SPATA2L: variants seen among roughly 807,000 people sequenced by gnomAD.
SPATA2L encodes spermatogenesis-associated protein 2-like protein.
A neutral mutation model predicts 8.7 loss-of-function variants in SPATA2L; 5 were observed. The observed-to-expected ratio is 0.57, with a 90% confidence interval of 0.30 to 1.21. The LOEUF is 1.21. Among genes scored for constraint, SPATA2L ranks in the 50% most tolerant of loss-of-function variants. SPATA2L has a pLI of 0.07. For missense variants in SPATA2L, 671 were observed against 591.0 expected (o/e 1.14, Z -1.40); for synonymous variants, 358 against 275.8 (o/e 1.30, Z -2.95).
chr16:89,698,612 G>A (rs1037784959), intron 2 of SPATA2L, among the ~76,000 whole-genome samples: 4 of 149,354 alleles, frequency 2.7e-5, no homozygotes, highest in Non-Finnish European at 4.4e-5. Flanking sequence ...TCAGCCTCCC[G>A]GGTAGCTGGG....
In SPATA2L at chr16:89,696,467, G is replaced by T. The variant is rs568260627; in HGVS notation, c.*867C>A. On this transcript the variant is annotated 3_prime_UTR_variant, in exon 3 of 3. Coordinates refer to ENST00000289805, the MANE Select transcript of SPATA2L (RefSeq NM_152339.4). ...AAGCAGGCTCAGCTTCCAGGGTCAG[G>T]GAGTTGTGGGCCCAGAGGGGCTGTC... 2 of 331,442 alleles carry T rather than the reference G, an allele frequency of 6.0e-6. No homozygotes were observed. Among genetic ancestry groups the T allele is most frequent in the Non-Finnish European group, 1.1e-5 (2 of 179,506 alleles). The allele number at this position is 331,442 out of a possible 1,614,324, so 20.5% of individuals were successfully genotyped here. A position where few individuals can be genotyped will look rare whatever the true frequency, so the allele number is the denominator to read the frequency against.
rs761813357 is a variant in SPATA2L at position 89,698,090 on chromosome 16, G to A, written c.519C>T (p.Gly173=). 8.1e-6 allele frequency: 13 copies of A among 1,600,774 alleles called. No individual in the cohort carries two copies. The Admixed American group carries it at 2.0e-4, about 25-fold the overall frequency. ...EILGEVLAQL[G]TSVLPAEELL... is the part of the protein sequence containing the mutation. ...GCTCCTCAGCTGGCAGCACACTGGT[G>A]CCCAGCTGGGCCAGCACCTCACCCA... Residue 173 remains glycine (G), a synonymous_variant, in exon 3 of 3, where the codon GGC becomes GGT. Coordinates refer to ENST00000289805, the MANE Select transcript of SPATA2L (RefSeq NM_152339.4).
chr16:89,701,317 C>T (rs2060774562), intron 1 of SPATA2L, 84 bp from the exon 2 acceptor site: 2 of 1,300,394 alleles, frequency 1.5e-6, no homozygotes, highest in Non-Finnish European at 2.0e-6. Context: ...CACCCAGCGT[C>T]CCCAGGACCC....
rs749452582 is a variant in SPATA2L at position 89,697,298 on chromosome 16, G to A, written c.*36C>T. On this transcript the variant is annotated 3_prime_UTR_variant, in exon 3 of 3. Coordinates refer to ENST00000289805, the MANE Select transcript of SPATA2L (RefSeq NM_152339.4). ...AGCAAAGAGAAGCACCACGGGAGCTGTCTCCCAAGAGCCCTTGACCTGGGG... is the reference window on the plus strand; with the variant it reads ...AGCAAAGAGAAGCACCACGGGAGCTATCTCCCAAGAGCCCTTGACCTGGGG... The A allele has an allele frequency of 1.0e-5, 15 of 1,479,202 alleles. No homozygotes were observed. The highest frequency in any genetic ancestry group is 2.5e-4 in the Middle Eastern group (1 of 3,948). The allele number at this position is 1,479,202 out of a possible 1,614,324, so 91.6% of individuals were successfully genotyped here.
chr16:89,700,491 C>G (rs1284828877), intron 2 of SPATA2L, among the ~76,000 whole-genome samples: 1 of 152,202 alleles, frequency 6.6e-6, no homozygotes, highest in African/African-American at 2.4e-5. Context: ...AGGTCTGAGC[C>G]CAGCCCTGAG....
rs2151609518 is a variant in SPATA2L at position 89,697,580 on chromosome 16, G to A, written c.1029C>T (p.Ala343=). Residue 343 remains alanine (A), a synonymous_variant, in exon 3 of 3, where the codon GCC becomes GCT. Transcript: ENST00000289805. ...PRRIRAEGVP[A]SAYRSVSEPP... Reference sequence around the variant, plus strand: ...GCTCCGAGACAGACCTATAGGCTGAGGCTGGTACCCCCTCTGCCCGAATAC... The same window carrying A: ...GCTCCGAGACAGACCTATAGGCTGAAGCTGGTACCCCCTCTGCCCGAATAC... 6.3e-7 allele frequency: 1 copy of A among 1,599,776 alleles called. No homozygotes were observed. Among genetic ancestry groups the A allele is most frequent in the Non-Finnish European group, 8.5e-7 (1 of 1,176,316 alleles).
chr16:89,698,078 C>T lies in SPATA2L; in HGVS notation c.531G>A (p.Leu177=), dbSNP rs1478949188. 9 of 1,599,502 alleles carry T rather than the reference C, an allele frequency of 5.6e-6. No homozygotes were observed. In the Admixed American group the frequency reaches 1.0e-4, roughly 18 times the overall value. Residue 177 remains leucine, a synonymous_variant, in exon 3 of 3, where the codon CTG becomes CTA. Coordinates refer to ENST00000289805, the MANE Select transcript of SPATA2L (RefSeq NM_152339.4). The stretch of plus-strand genomic sequence containing the variant: ...GTGCCTGCAGCAGCTCCTCAGCTGG[C>T]AGCACACTGGTGCCCAGCTGGGCCA... The part of the protein sequence containing the change: ...EVLAQLGTSV[L]PAEELLQARR...
intron 2 of SPATA2L, 78 bp from the exon 3 acceptor site, chr16:89,698,383 G>C: frequency 6.9e-7 from 1 of 1,457,022 alleles, no homozygotes; most frequent in Non-Finnish European, 9.1e-7. Context: ...TCCGGGATCT[G>C]TTGGCTCAGG....
At chr16:89,701,256 G>A (rs1338227136) in intron 1 of SPATA2L, 23 bp from the exon 2 acceptor site, 29 of 1,395,210 alleles carry the variant, frequency 2.1e-5, no homozygotes, top group South Asian at 4.6e-5. Flanking sequence ...GGGGTCGGGG[G>A]GGTCAGGGAC....
In SPATA2L at chr16:89,697,727, C is replaced by A. The variant is rs762027301; in HGVS notation, c.882G>T (p.Gly294=). Residue 294 remains glycine (G), a synonymous_variant, in exon 3 of 3, where the codon GGG becomes GGT. Coordinates refer to ENST00000289805, the MANE Select transcript of SPATA2L (RefSeq NM_152339.4). ...CAGGTTCCAGCCCCTCCTCCAAGGCCCCATATGGTGGGCTGCTGGCCTGCG... is the reference window on the plus strand; with the variant it reads ...CAGGTTCCAGCCCCTCCTCCAAGGCACCATATGGTGGGCTGCTGGCCTGCG... The part of the protein sequence containing the change: ...ELPQASSPPY[G]ALEEGLEPEP... The A allele has an allele frequency of 3.1e-6, 5 of 1,610,558 alleles. No homozygotes were observed. The highest frequency in any genetic ancestry group is 2.2e-5 in the South Asian group (2 of 90,706).
chr16:89,701,478 C>T, intron 1 of SPATA2L, 150 bp downstream of exon 1: 1 of 410,360 alleles, frequency 2.4e-6, no homozygotes, highest in East Asian at 3.6e-5. Flanking sequence ...GCCCCTCCCT[C>T]CAGCCTGGGT....
In SPATA2L at chr16:89,697,203, A is replaced by C; in HGVS notation, c.*131T>G. 1.4e-6 allele frequency: 2 copies of C among 1,383,678 alleles called. No homozygotes were observed. Among genetic ancestry groups the C allele is most frequent in the Non-Finnish European group, 1.9e-6 (2 of 1,071,786 alleles). 85.7% of individuals were successfully genotyped at this position (1,383,678 alleles called of 1,614,324 possible). A position where few individuals can be genotyped will look rare whatever the true frequency, so the allele number is the denominator to read the frequency against. On this transcript the variant is annotated 3_prime_UTR_variant, in exon 3 of 3. Coordinates refer to ENST00000289805, the MANE Select transcript of SPATA2L (RefSeq NM_152339.4). Reference sequence around the variant, plus strand: ...CCACCTCCAGCAAGGGTTGGCCTGGACTCTCCAACCCCCTGCTGTGCCCAG... The same window carrying C: ...CCACCTCCAGCAAGGGTTGGCCTGGCCTCTCCAACCCCCTGCTGTGCCCAG...
chr16:89,701,577 G>A, intron 1 of SPATA2L, 51 bp downstream of exon 1: 1 of 267,734 alleles, frequency 3.7e-6, no homozygotes, highest in Non-Finnish European at 7.0e-6. Flanking sequence ...CCCGACCAGA[G>A]CCCCTTCGCC....
Position 89,701,239 on chromosome 16 carries a change from G to A in SPATA2L, c.-1-6C>T, listed in dbSNP as rs2060774027. 7.1e-7 allele frequency: 1 copy of A among 1,405,588 alleles called. No homozygotes were observed. Among genetic ancestry groups the A allele is most frequent in the Admixed American group, 2.9e-5 (1 of 34,706 alleles). 87.1% of individuals were successfully genotyped at this position (1,405,588 alleles called of 1,614,324 possible). ...ACAGCGAGCTGCTGCCCATCCTGCG[G>A]CGGACGGGGGTCGGGGGGGTCAGGG... On this transcript the variant is annotated splice_region_variant and splice_polypyrimidine_tract_variant and intron_variant, in intron 1 of 2. Coordinates refer to ENST00000289805, the MANE Select transcript of SPATA2L (RefSeq NM_152339.4).
At chr16:89,700,112 A>G (rs2060765936) in intron 2 of SPATA2L, among the ~76,000 whole-genome samples, 1 of 152,214 alleles carries the variant, frequency 6.6e-6, no homozygotes, top group South Asian at 2.1e-4. Context: ...TAATTTGGCC[A>G]AGTCCTCGCG....
At chr16:89,700,179 A>G (rs1182852116) in intron 2 of SPATA2L, among the ~76,000 whole-genome samples, 1 of 152,182 alleles carries the variant, frequency 6.6e-6, no homozygotes, top group Non-Finnish European at 1.5e-5. Context: ...GAAGCCGGTT[A>G]TTCCCCCGCC....
chr16:89,699,455 G>A (rs776470570), intron 2 of SPATA2L, among the ~76,000 whole-genome samples: 1 of 152,096 alleles, frequency 6.6e-6, no homozygotes, highest in Non-Finnish European at 1.5e-5. Flanking sequence ...CTGCTGTGTA[G>A]TATTCCACCA....
intron 1 of SPATA2L, 119 bp from the exon 2 acceptor site, chr16:89,701,352 A>G: frequency 9.3e-7 from 1 of 1,080,486 alleles, no homozygotes; most frequent in Non-Finnish European, 1.2e-6. Flanking sequence ...CCCCGCCCCC[A>G]GCGGCTGGGC....
Position 89,697,891 on chromosome 16 carries a change from C to T in SPATA2L, c.718G>A (p.Ala240Thr), listed in dbSNP as rs201504238. 5.6e-6 allele frequency: 9 copies of T among 1,609,708 alleles called. No homozygotes were observed. The highest frequency in any genetic ancestry group is 1.7e-5 in the Admixed American group (1 of 59,746). Residue 240 changes from alanine to threonine, a missense_variant, in exon 3 of 3, where the codon GCC becomes ACC. Transcript: ENST00000289805. ...DLQEDEGSED[A>T]SLYGEPSPGP... ...GGTGACGGCTCCCCATACAGGCTGG[C>T]GTCCTCCGACCCCTCGTCTTCCTGC...
Sources: allele counts gnomAD v4.1 joint callset (sites outside exome capture counted in the v4.1 genomes callset), GRCh38; gene constraint gnomAD v4.1.1; transcripts MANE v1.5; gene names NCBI Gene and HGNC (gene_info 2026-07-23, HGNC 2026-07-21).